Variants in UGT2B11 observed in about 807,000 individuals in gnomAD.
UGT2B11 encodes the protein UDP glucuronosyltransferase family 2 member B11, also known as UDP-glucuronosyltransferase 2B11.
Under a neutral mutation model 51.7 loss-of-function variants are expected in UGT2B11, and 49 were observed. The observed-to-expected ratio is 0.95, with a 90% CI of 0.75 to 1.20. The LOEUF is 1.20. Ranked by LOEUF, UGT2B11 falls within the 50% of genes most tolerant of loss-of-function variation. The probability of loss-of-function intolerance (pLI) is 0.00; values close to 1 mark genes in which losing one functional copy is unlikely to be tolerated. For missense variants in UGT2B11, 810 were observed against 622.1 expected (o/e 1.30, Z -3.21); for synonymous variants, 273 against 209.0 (o/e 1.31, Z -2.64).
At chr4:69,208,577 T>C in intron 2 of UGT2B11, 95 bp from the exon 3 acceptor site, 1 of 1,538,212 alleles carries the variant, frequency 6.5e-7, no homozygotes, top group Non-Finnish European at 8.7e-7. Context: ...GAAAATCAAG[T>C]ATTTTGAGGA....
chr4:69,204,576 G>T lies in UGT2B11; in HGVS notation c.1164C>A (p.Ile388=). The part of the protein sequence containing the change: ...NGIYEAIYHG[I]PMVGIPLFFD... ...AAAACAATGGAATGCCCACCATAGG[G>T]ATCCCATGGTAGATTGCCTCATAGA... The change falls in exon 5 of 6, where the codon ATC becomes ATA. Residue 388 remains isoleucine (I), a synonymous_variant. Coordinates refer to ENST00000446444, the MANE Select transcript of UGT2B11 (RefSeq NM_001073.3). 2 of 1,612,190 alleles carry T rather than the reference G, an allele frequency of 1.2e-6. No homozygotes were observed. Among genetic ancestry groups the T allele is most frequent in the South Asian group, 2.2e-5 (2 of 91,046 alleles).
chr4:69,203,664 T>G (rs1721744410), intron 5 of UGT2B11, among the ~76,000 whole-genome samples: 1 of 151,674 alleles, frequency 6.6e-6, no homozygotes, highest in African/African-American at 2.4e-5. Context: ...GGAAATGAAG[T>G]ATTATAACAC....
chr4:69,223,722 G>T, the UGT2B11 span, among the ~76,000 whole-genome samples: 3 of 152,178 alleles, frequency 2.0e-5, no homozygotes, highest in Non-Finnish European at 4.4e-5. Context: ...AGGGCTGAGA[G>T]AACAGCTGCT....
At chr4:69,209,609 C>G (rs921094861) in intron 2 of UGT2B11, among the ~76,000 whole-genome samples, 1 of 151,696 alleles carries the variant, frequency 6.6e-6, no homozygotes, top group African/African-American at 2.4e-5. Flanking sequence ...CAGTGCATCA[C>G]ATATGGCAGA....
chr4:69,218,719 TC>T (rs1461679246), upstream of UGT2B11, among the ~76,000 whole-genome samples: 9 of 152,062 alleles, frequency 5.9e-5, no homozygotes, highest in East Asian at 1.7e-3. Flanking sequence ...AAAAGATAGT[TC>T]ATTGAAAGCT....
Position 69,200,417 on chromosome 4 carries a change from C to T in UGT2B11, c.*23G>A, listed in dbSNP as rs1267073453. ...GAAGTTGTCCTATCTATCTGGTTTT[C>T]CAGCTTCAAATGTCAGACATAACTA... On this transcript the variant is annotated 3_prime_UTR_variant, in exon 6 of 6. Coordinates refer to ENST00000446444, the MANE Select transcript of UGT2B11 (RefSeq NM_001073.3). 6.3e-7 allele frequency: 1 copy of T among 1,577,502 alleles called. No homozygotes were observed. Among genetic ancestry groups the T allele is most frequent in the East Asian group, 2.3e-5 (1 of 42,934 alleles).
upstream of UGT2B11, among the ~76,000 whole-genome samples, chr4:69,218,298 A>G (rs985314940): frequency 6.6e-6 from 1 of 152,142 alleles, no homozygotes; most frequent in Non-Finnish European, 1.5e-5. Flanking sequence ...GAGTTGGATC[A>G]TTCACTACCA....
the UGT2B11 span, among the ~76,000 whole-genome samples, chr4:69,220,428 T>C: frequency 2.0e-5 from 3 of 151,824 alleles, no homozygotes; most frequent in African/African-American, 7.3e-5. Flanking sequence ...GGTAGTGCTC[T>C]GGTGGTGACT....
At position 69,212,712 on chromosome 4, in the gene UGT2B11, G is replaced by A; in HGVS notation, c.731C>T (p.Thr244Ile). The A allele has an allele frequency of 6.2e-7, 1 of 1,606,450 alleles. No individual in the cohort carries two copies. The highest frequency in any genetic ancestry group is 8.5e-7 in the Non-Finnish European group (1 of 1,176,764). Reference sequence around the variant, plus strand: ...TTTTCCCATTGTCTCAAATAAGGTAGTGGGTCTTCCTGACAGGAATAAAGA... The same window carrying A: ...TTTTCCCATTGTCTCAAATAAGGTAATGGGTCTTCCTGACAGGAATAAAGA... ...QFYSEVLGRP[T>I]TLFETMGKAD... is the part of the protein sequence containing the mutation. The change falls in exon 2 of 6, where the codon ACT becomes ATT. Residue 244 changes from threonine (T) to isoleucine (I), a missense_variant. Physicochemically the swap from Thr to Ile is moderately conservative, Grantham distance 89. Coordinates refer to ENST00000446444, the MANE Select transcript of UGT2B11 (RefSeq NM_001073.3).
the UGT2B11 span, among the ~76,000 whole-genome samples, chr4:69,224,832 G>T: frequency 1.3e-5 from 2 of 151,886 alleles, no homozygotes; most frequent in Non-Finnish European, 2.9e-5. Flanking sequence ...TCCCAAGCGG[G>T]TAGCTAGTGT....
chr4:69,214,785 T>G, upstream of UGT2B11: 2 of 1,550,294 alleles, frequency 1.3e-6, no homozygotes, highest in Non-Finnish European at 1.7e-6. Context: ...TATACAGAGA[T>G]AAATCAATCA....
the UGT2B11 span, among the ~76,000 whole-genome samples, chr4:69,222,531 G>A: frequency 1.3e-5 from 2 of 152,274 alleles, no homozygotes; most frequent in South Asian, 4.1e-4. Flanking sequence ...GCCCTGTGGG[G>A]AATTTTTGCC....
chr4:69,210,438 G>T (rs1722017707), intron 2 of UGT2B11, among the ~76,000 whole-genome samples: 1 of 151,518 alleles, frequency 6.6e-6, no homozygotes, highest in Admixed American at 6.6e-5. Context: ...TAATTGAAAA[G>T]AATGCAACCT....
chr4:69,215,878 G>A (rs1339710837), upstream of UGT2B11: 1 of 151,942 alleles, frequency 6.6e-6, no homozygotes, highest in Non-Finnish European at 1.5e-5. Context: ...ATATTGGAGG[G>A]AAAAGTGAAT....
chr4:69,221,366 C>A, the UGT2B11 span, among the ~76,000 whole-genome samples: 1 of 152,142 alleles, frequency 6.6e-6, no homozygotes, highest in Non-Finnish European at 1.5e-5. Flanking sequence ...GAGCTTCAGG[C>A]CTTTAGGGAT....
Position 69,200,184 on chromosome 4 carries a change from C to T in UGT2B11, c.*256G>A, listed in dbSNP as rs533286172. The T allele has an allele frequency of 2.5e-4, 85 of 341,048 alleles. No individual in the cohort carries two copies. The East Asian group carries it at 6.2e-3, about 25-fold the overall frequency. 21.1% of individuals were successfully genotyped at this position (341,048 alleles called of 1,614,324 possible). On this transcript the variant is annotated 3_prime_UTR_variant, in exon 6 of 6. Coordinates refer to ENST00000446444, the MANE Select transcript of UGT2B11 (RefSeq NM_001073.3). The stretch of plus-strand genomic sequence containing the variant: ...TAAGTGCAACAAATTTCAATATGAG[C>T]TCAAATGGCTTTATATTATTTTTTA...
At chr4:69,215,861 C>T (rs548504052), upstream of UGT2B11, 6 of 152,082 alleles carry the variant, frequency 3.9e-5, no homozygotes, top group East Asian at 1.2e-3. Context: ...GGAAGGTTTC[C>T]TTCCACATAT....
At chr4:69,201,624 G>C (rs1721662637) in intron 5 of UGT2B11, among the ~76,000 whole-genome samples, 1 of 151,612 alleles carries the variant, frequency 6.6e-6, no homozygotes, top group Non-Finnish European at 1.5e-5. Flanking sequence ...CCTGCTCTTG[G>C]AGTATTCTTT....
intron 5 of UGT2B11, among the ~76,000 whole-genome samples, chr4:69,200,936 T>C (rs1721635487): frequency 6.6e-6 from 1 of 151,834 alleles, no homozygotes; most frequent in Non-Finnish European, 1.5e-5. Context: ...AAATGGAAGG[T>C]CAGGTGAGAA....
Sources: allele counts gnomAD v4.1 joint callset (sites outside exome capture counted in the v4.1 genomes callset), GRCh38; gene constraint gnomAD v4.1.1; transcripts MANE v1.5; gene names NCBI Gene and HGNC (gene_info 2026-07-23, HGNC 2026-07-21).